Variants in POLG observed in about 807,000 individuals in gnomAD.
POLG encodes the protein DNA polymerase subunit gamma-1.
In POLG, 110 loss-of-function variants were observed where a neutral mutation model predicts 155.4. The ratio of observed to expected loss-of-function variants is 0.71; its 90% CI spans 0.61 to 0.83. The LOEUF (loss-of-function observed/expected upper bound fraction) is 0.83. Ranked by LOEUF, POLG falls within the 40% of genes least tolerant of loss-of-function variation. POLG has a pLI of 0.00. For synonymous variants in POLG, 701 were observed against 631.5 expected, an observed-to-expected ratio of 1.11 and a Z score of -1.65; for missense variants, 1,685 against 1,627.5, an observed-to-expected ratio of 1.04 and a Z score of -0.61.
rs775577764 is a variant in POLG at position 89,323,471 on chromosome 15, T to TGA, written c.2196_2197dup (p.His733LeufsTer66). 2 of 1,613,850 alleles carry TGA rather than the reference T, an allele frequency of 1.2e-6. No homozygotes were observed. The stretch of plus-strand genomic sequence containing the variant: ...GTCGTTGTAAGGTCCATTGCCATGG[T>TGA]GATAGCTGGGCTGGGTGTCCTTGGG... On this transcript the variant is annotated frameshift_variant, in exon 13 of 23. Transcript: ENST00000268124. LOFTEE classifies it high-confidence loss of function.
chr15:89,323,892 GTTC>G lies in POLG; in HGVS notation c.2077_2079del (p.Glu693del), dbSNP rs760784347. On this transcript the variant is annotated inframe_deletion, in exon 12 of 23. Coordinates refer to ENST00000268124, the MANE Select transcript of POLG (RefSeq NM_002693.3). Reference sequence around the variant, plus strand: ...TCAGCCTCCACTTCTAAGTAATCCAGTTCTTCTACCTGGAGCAGTCCAAGGACC... The same window carrying G: ...TCAGCCTCCACTTCTAAGTAATCCAGTTCTACCTGGAGCAGTCCAAGGACC... 3.7e-6 allele frequency: 6 copies of G among 1,613,656 alleles called. No individual in the cohort carries two copies. In the Admixed American group the frequency reaches 5.0e-5, roughly 13 times the overall value.
At chr15:89,325,418 C>CA in intron 10 of POLG, 32 bp downstream of exon 10, 1 of 1,474,628 alleles carries the variant, frequency 6.8e-7, no homozygotes, top group Non-Finnish European at 9.4e-7. Context: ...CCCTAGGCTC[C>CA]AGCCCCTTCC....
intron 22 of POLG, 58 bp downstream of exon 22, chr15:89,317,318 C>T (rs56206444): frequency 1.9e-6 from 3 of 1,564,108 alleles, no homozygotes; most frequent in Non-Finnish European, 2.6e-6. Context: ...CTCCAAGACC[C>T]ACTTTCTAGT....
chr15:89,334,100 C>G (rs2055638038), intron 1 of POLG, 187 bp from the exon 2 acceptor site: 1 of 382,722 alleles, frequency 2.6e-6, no homozygotes, highest in African/African-American at 2.2e-5. Flanking sequence ...GTCCACGCAA[C>G]TTCGTCAGTG....
rs756196858 is a variant in POLG at position 89,328,913 on chromosome 15, T to C, written c.1023+30A>G. 31 of 1,613,992 alleles carry C rather than the reference T, an allele frequency of 1.9e-5. No individual in the cohort carries two copies. In the African/African-American group the frequency reaches 3.7e-4, roughly 19 times the overall value. On this transcript the variant is annotated intron_variant, in intron 4 of 22. Transcript: ENST00000268124. ...TGGTGAGAGGGGGTCCCAAGCACTA[T>C]GCTCCTGCCCACCGGCAGTGTGCTC...
rs1412460528 is a variant in POLG at position 89,320,995 on chromosome 15, A to G, written c.2752T>C (p.Trp918Arg). 1 of 1,614,006 alleles carries G rather than the reference A, an allele frequency of 6.2e-7. No individual in the cohort carries two copies. The highest frequency in any genetic ancestry group is 8.5e-7 in the Non-Finnish European group (1 of 1,180,004). The change falls in exon 18 of 23, where the codon TGG becomes CGG. Residue 918 changes from tryptophan (W) to arginine (R), a missense_variant. Coordinates refer to ENST00000268124, the MANE Select transcript of POLG (RefSeq NM_002693.3). ...AGMHGCTAFGWMTLQGRKSRG... is the reference protein window; with the variant it reads ...AGMHGCTAFGRMTLQGRKSRG... ...CTCTTCCTGCCCTGCAGTGTCATCC[A>G]CCCAAAGGCTGTGCAGCCTGGAAGA...
At chr15:89,316,871 G>GTAAC in intron 22 of POLG, 44 bp from the exon 23 acceptor site, 1 of 1,376,188 alleles carries the variant, frequency 7.3e-7, no homozygotes, top group Non-Finnish European at 1.0e-6. Context: ...CTCAAGAACT[G>GTAAC]TAACTGAGAG....
In POLG at chr15:89,325,049, T is replaced by A. The variant is rs941768020; in HGVS notation, c.1949+401A>T. Among the ~76,000 whole-genome samples, 107 of 113,050 alleles carry A rather than the reference T, an allele frequency of 9.5e-4. 2 individuals are homozygous for A. The highest frequency in any genetic ancestry group is 5.6e-3 in the African/African-American group (90 of 16,194). The allele number at this position is 113,050 out of a possible 152,430, so 74.2% of individuals were successfully genotyped here. On this transcript the variant is annotated intron_variant, in intron 10 of 22. Transcript: ENST00000268124. Reference sequence around the variant, plus strand: ...AACCTGAACCCAGAGAGTGAGTGAGTGAGTGAGAGAGTGAGTGAGTGAGTG... The same window carrying A: ...AACCTGAACCCAGAGAGTGAGTGAGAGAGTGAGAGAGTGAGTGAGTGAGTG...
rs780275335 is a variant in POLG at position 89,328,483 on chromosome 15, T to C, written c.1223A>G (p.Gln408Arg). Residue 408 changes from glutamine (Q) to arginine (R), a missense_variant, in exon 6 of 23, where the codon CAG becomes CGG. This residue lies in a region of POLG where 1,210 missense variants were observed against 1,167.1 expected (regional missense o/e 1.04). Coordinates refer to ENST00000268124, the MANE Select transcript of POLG (RefSeq NM_002693.3). ...QDVWATHEVFQQQLPLFLERC... is the reference protein window; with the variant it reads ...QDVWATHEVFRQQLPLFLERC... ...CTCCAAGAAGAGCGGTAGCTGCTGCTGGAAAACCTCATGGGTGGCCCACAC... is the reference window on the plus strand; with the variant it reads ...CTCCAAGAAGAGCGGTAGCTGCTGCCGGAAAACCTCATGGGTGGCCCACAC... The C allele has an allele frequency of 6.2e-6, 10 of 1,613,920 alleles. No homozygotes were observed. The highest frequency in any genetic ancestry group is 8.5e-6 in the Non-Finnish European group (10 of 1,179,988).
chr15:89,318,535 G>GC lies in POLG; in HGVS notation c.3482+5dup. ...GGCCAGGCTAGAGGCCATGGGCCCC[G>GC]CATACCTGGTCAAGAGGTTGGTGAT... is the stretch of plus-strand genomic sequence containing the variant. On this transcript the variant is annotated splice_donor_region_variant and intron_variant, in intron 21 of 22. Coordinates refer to ENST00000268124, the MANE Select transcript of POLG (RefSeq NM_002693.3). 1 of 1,611,862 alleles carries GC rather than the reference G, an allele frequency of 6.2e-7. No individual in the cohort carries two copies. The highest frequency in any genetic ancestry group is 8.5e-7 in the Non-Finnish European group (1 of 1,179,180).
At chr15:89,327,418 G>A (rs1410199920) in intron 6 of POLG, 69 bp from the exon 7 acceptor site, 4 of 1,465,148 alleles carry the variant, frequency 2.7e-6, no homozygotes, top group East Asian at 2.3e-5. Context: ...TCCCTGAGCT[G>A]GTTTAGCAAG....
At chr15:89,325,067 AGTGAGTGAGTGAGT>A (rs2055460445) in intron 10 of POLG, among the ~76,000 whole-genome samples, 1 of 106,058 alleles carries the variant, frequency 9.4e-6, no homozygotes, top group African/African-American at 4.2e-5. Flanking sequence ...AGAGTGAGTG[AGTGAGTGAGTGAGT>A]GAGAGAGTGA....
Position 89,316,686 on chromosome 15 carries a change from A to C in POLG, c.*65T>G. 7.3e-7 allele frequency: 1 copy of C among 1,370,588 alleles called. No individual in the cohort carries two copies. The allele number at this position is 1,370,588 out of a possible 1,614,324, so 84.9% of individuals were successfully genotyped here. On this transcript the variant is annotated 3_prime_UTR_variant, in exon 23 of 23. Coordinates refer to ENST00000268124, the MANE Select transcript of POLG (RefSeq NM_002693.3). ...TGCAAAAAGCACAGCTGAAAGCCTG[A>C]GTTTGGGAGCCTGCACCACCCCGAT... is the stretch of plus-strand genomic sequence containing the variant.
intron 21 of POLG, chr15:89,318,009 T>A: frequency 3.3e-6 from 1 of 298,654 alleles, no homozygotes; most frequent in South Asian, 3.1e-5. Context: ...CGGTAATATT[T>A]AATTCATCCA....
chr15:89,324,059 T>C (rs778486175), intron 11 of POLG, 48 bp downstream of exon 11: 3 of 1,613,022 alleles, frequency 1.9e-6, no homozygotes, highest in Admixed American at 3.3e-5. Flanking sequence ...CTGGGTGGAA[T>C]ACAGAGACCT....
Position 89,316,332 on chromosome 15 carries a change from CTTT to C in POLG, c.*416_*418del, listed in dbSNP as rs1216905796. The C allele has an allele frequency of 8.8e-6, 13 of 1,481,154 alleles. No individual in the cohort carries two copies. Among genetic ancestry groups the C allele is most frequent in the African/African-American group, 1.4e-5 (1 of 70,890 alleles). The allele number at this position is 1,481,154 out of a possible 1,614,324, so 91.8% of individuals were successfully genotyped here. On this transcript the variant is annotated 3_prime_UTR_variant, in exon 23 of 23. Transcript: ENST00000268124. Reference sequence around the variant, plus strand: ...AGAAGATAGAGTCTTTTTTTTCCTTCTTTTTATTTCCACTGCCTTGGAGCAGGT... The same window carrying C: ...AGAAGATAGAGTCTTTTTTTTCCTTCTTATTTCCACTGCCTTGGAGCAGGT...
chr15:89,319,069 A>G lies in POLG; in HGVS notation c.3135T>C (p.Ala1045=), dbSNP rs1342103712. The G allele has an allele frequency of 1.9e-6, 3 of 1,614,138 alleles. No individual in the cohort carries two copies. Among genetic ancestry groups the G allele is most frequent in the Non-Finnish European group, 2.5e-6 (3 of 1,180,022 alleles). Residue 1045 remains alanine, a synonymous_variant, in exon 20 of 23, where the codon GCT becomes GCC. Transcript: ENST00000268124. ...CTGTGCCCCCCTTCCATGCCCGTTC[A>G]GCAACCACCTCCCACTTCTTCCACT... ...KSQWKKWEVV[A]ERAWKGGTES...
intron 16 of POLG, 148 bp from the exon 17 acceptor site, chr15:89,321,408 G>A: frequency 1.1e-6 from 1 of 939,132 alleles, no homozygotes. Flanking sequence ...TTCCAGAGAT[G>A]GCCACCTATC....
intron 9 of POLG, among the ~76,000 whole-genome samples, chr15:89,326,014 C>T (rs1379214492): frequency 3.9e-5 from 6 of 152,152 alleles, no homozygotes; most frequent in African/African-American, 9.7e-5. Flanking sequence ...GGGAGCAGAT[C>T]TGCCCTCCCC....
Sources: allele counts gnomAD v4.1 joint callset (sites outside exome capture counted in the v4.1 genomes callset), GRCh38; gene constraint gnomAD v4.1.1; regional missense constraint gnomAD v4.1.1; transcripts MANE v1.5; gene names NCBI Gene and HGNC (gene_info 2026-07-23, HGNC 2026-07-21).